The following LAMA2 variants were observed in gnomAD, a reference collection of about 807,000 sequenced individuals.
LAMA2 encodes the protein laminin subunit alpha 2, also known as laminin subunit alpha-2.
Under a neutral mutation model 364.8 loss-of-function variants are expected in LAMA2, and 269 were observed. The ratio of observed to expected loss-of-function variants is 0.74; its 90% CI spans 0.67 to 0.82. The LOEUF (loss-of-function observed/expected upper bound fraction) is 0.82, where lower values mean the gene tolerates loss of function less well. LAMA2 is among the 40% of genes least tolerant of loss of function. The pLI, the probability that LAMA2 is intolerant of heterozygous loss-of-function variation, is 0.00. For synonymous variants in LAMA2, 1,379 were observed against 1,370.6 expected, an observed-to-expected ratio of 1.01 and a Z score of -0.14; for missense variants, 3,807 against 3,873.2, an observed-to-expected ratio of 0.98 and a Z score of 0.45.
intron 1 of LAMA2, among the ~76,000 whole-genome samples, chr6:129,039,528 G>A (rs1582919406): frequency 6.6e-6 from 1 of 152,198 alleles, no homozygotes; most frequent in South Asian, 2.1e-4. Flanking sequence ...AAAAAAGAAA[G>A]TGAGTTTTAG....
At chr6:129,284,560 T>TG (rs1203834051) in intron 18 of LAMA2, among the ~76,000 whole-genome samples, 1 of 152,180 alleles carries the variant, frequency 6.6e-6, no homozygotes, top group Non-Finnish European at 1.5e-5. Flanking sequence ...TTTTCTAATT[T>TG]GCTTGGCTAG....
intron 28 of LAMA2, among the ~76,000 whole-genome samples, chr6:129,323,912 G>A (rs544067253): frequency 3.8e-4 from 58 of 152,140 alleles, no homozygotes; most frequent in South Asian, 1.4e-3. Context: ...CTATTGGATC[G>A]CCACTCAGAA....
At chr6:129,382,889 G>T (rs539492904) in intron 34 of LAMA2, among the ~76,000 whole-genome samples, 84 of 152,276 alleles carry the variant, frequency 5.5e-4, no homozygotes, top group South Asian at 1.5e-3. Flanking sequence ...CATATAACAA[G>T]CGTTTTTTAA....
chr6:129,186,110 ATAGAT>A (rs953461727), intron 10 of LAMA2, among the ~76,000 whole-genome samples: 53 of 151,926 alleles, frequency 3.5e-4, no homozygotes, highest in African/African-American at 1.2e-3. Context: ...GAGAGGTTTA[ATAGAT>A]TAGACTCCAT....
At chr6:129,107,572 A>T (rs537918797) in intron 4 of LAMA2, among the ~76,000 whole-genome samples, 1 of 152,304 alleles carries the variant, frequency 6.6e-6, no homozygotes, top group Non-Finnish European at 1.5e-5. Context: ...TGTAGGGTTA[A>T]TCCAGGGCCA....
At chr6:129,410,751 T>C in intron 40 of LAMA2, among the ~76,000 whole-genome samples, 1 of 122,356 alleles carries the variant, frequency 8.2e-6, no homozygotes, top group Middle Eastern at 4.2e-3. Context: ...GATAGATAGA[T>C]AGATAATAGA....
chr6:129,387,366 C>T (rs897024824), intron 35 of LAMA2, among the ~76,000 whole-genome samples: 1 of 152,156 alleles, frequency 6.6e-6, no homozygotes, highest in Non-Finnish European at 1.5e-5. Context: ...TAACATATGA[C>T]ACCAGTCAGA....
At chr6:129,166,190 G>T (rs1779732917) in intron 9 of LAMA2, among the ~76,000 whole-genome samples, 1 of 152,142 alleles carries the variant, frequency 6.6e-6, no homozygotes, top group Non-Finnish European at 1.5e-5. Flanking sequence ...ACAGAAAGAG[G>T]CTGACACTAA....
chr6:129,378,612 C>T (rs938877855), intron 34 of LAMA2, among the ~76,000 whole-genome samples: 3 of 152,128 alleles, frequency 2.0e-5, no homozygotes, highest in Non-Finnish European at 2.9e-5. Context: ...TTAACTGGAG[C>T]AGTGTCCTCC....
rs115401677 is a variant in LAMA2 at position 129,297,621 on chromosome 6, G to T, written c.2857-64G>T. 889 of 1,448,828 alleles carry T rather than the reference G, an allele frequency of 6.1e-4. 3 individuals carry two copies. In the African/African-American group the frequency reaches 0.011, roughly 18 times the overall value. 89.7% of individuals were successfully genotyped at this position (1,448,828 alleles called of 1,614,324 possible). A position where few individuals can be genotyped will look rare whatever the true frequency, so the allele number is the denominator to read the frequency against. ...GTTCCCACCTGATCTTTGGTATTGT[G>T]CATCTTGCTTCACTTCGAGTTAACT... is the stretch of plus-strand genomic sequence containing the variant. On this transcript the variant is annotated intron_variant, in intron 20 of 64. Coordinates refer to ENST00000421865, the MANE Select transcript of LAMA2 (RefSeq NM_000426.4).
At chr6:129,335,619 A>G (rs1775914002) in intron 29 of LAMA2, among the ~76,000 whole-genome samples, 1 of 152,190 alleles carries the variant, frequency 6.6e-6, no homozygotes, top group African/African-American at 2.4e-5. Flanking sequence ...CTGTTGCCTG[A>G]AACATTTAAC....
chr6:129,279,863 C>T (rs184713429), intron 17 of LAMA2, among the ~76,000 whole-genome samples, 198 bp from the exon 18 acceptor site: 1 of 152,158 alleles, frequency 6.6e-6, no homozygotes, highest in African/African-American at 2.4e-5. Flanking sequence ...CTCCACTGGG[C>T]TATATTCACG....
intron 10 of LAMA2, among the ~76,000 whole-genome samples, chr6:129,185,674 G>A (rs1390365357): frequency 6.6e-6 from 1 of 151,430 alleles, no homozygotes; most frequent in Non-Finnish European, 1.5e-5. Flanking sequence ...GACTATATAG[G>A]CTCCATAGGG....
chr6:129,077,116 G>A (rs1269270209), intron 3 of LAMA2, among the ~76,000 whole-genome samples: 2 of 151,992 alleles, frequency 1.3e-5, no homozygotes, highest in African/African-American at 4.8e-5. Flanking sequence ...ACAGTTGTGG[G>A]CTAGAATATA....
intron 17 of LAMA2, among the ~76,000 whole-genome samples, chr6:129,271,663 A>G (rs111458926): frequency 0.016 from 2,372 of 152,074 alleles, 60 homozygotes; most frequent in African/African-American, 0.054. Context: ...ATACTTTTAA[A>G]TAAAAGGAAA....
chr6:129,158,670 A>C (rs1779270952), intron 8 of LAMA2: 10 of 1,614,194 alleles, frequency 6.2e-6, no homozygotes, highest in Non-Finnish European at 8.5e-6. Flanking sequence ...CAGCCATCGA[A>C]TGCTGCCATC....
At chr6:128,912,929 T>C (rs905155656) in intron 1 of LAMA2, among the ~76,000 whole-genome samples, 2 of 152,086 alleles carry the variant, frequency 1.3e-5, no homozygotes, top group African/African-American at 2.4e-5. Flanking sequence ...GAGGAGGGAA[T>C]GGTGGGCTGT....
intron 1 of LAMA2, among the ~76,000 whole-genome samples, chr6:129,042,555 C>T (rs1787183748): frequency 6.6e-6 from 1 of 151,980 alleles, no homozygotes; most frequent in Admixed American, 6.5e-5. Flanking sequence ...GTGTAACATT[C>T]ACTCACTGAA....
At chr6:129,291,004 A>T (rs897862736) in intron 19 of LAMA2, among the ~76,000 whole-genome samples, 2 of 152,326 alleles carry the variant, frequency 1.3e-5, no homozygotes, top group African/African-American at 4.8e-5. Context: ...ACCATTTTTT[A>T]AACTTAACAC....
Sources: gnomAD v4.1 joint callset for allele counts (sites outside exome capture counted in the v4.1 genomes callset) on GRCh38, gnomAD v4.1.1 for gene constraint, MANE v1.5 for transcripts, NCBI Gene and HGNC (gene_info 2026-07-23, HGNC 2026-07-21) for gene names.